Variants in PRP4K observed in about 807,000 individuals in gnomAD.
The protein encoded by PRP4K is serine/threonine-protein kinase PRP4 homolog.
chr6:4,057,051 A>G, the PRP4K span: 1 of 1,579,928 alleles, frequency 6.3e-7, no homozygotes, highest in Non-Finnish European at 8.6e-7. Flanking sequence ...GGTAAAAGCT[A>G]TGACTATGGT....
chr6:4,037,265 T>G, the PRP4K span: 1 of 855,916 alleles, frequency 1.2e-6, no homozygotes, highest in Non-Finnish European at 1.7e-6. Context: ...GTAAGTTTTG[T>G]TACAAAACAC....
chr6:4,049,895 G>T, the PRP4K span: 2 of 1,613,362 alleles, frequency 1.2e-6, no homozygotes, highest in Non-Finnish European at 1.7e-6. Flanking sequence ...TTCAGAAGAC[G>T]TGAGGAAACC....
At chr6:4,044,171 T>C in the PRP4K span, 1 of 681,364 alleles carries the variant, frequency 1.5e-6, no homozygotes, top group Non-Finnish European at 2.5e-6. Context: ...TAATATTAAA[T>C]ATGTCCTTAG....
chr6:4,058,840 A>G, the PRP4K span: 6 of 1,537,474 alleles, frequency 3.9e-6, no homozygotes, highest in Middle Eastern at 1.7e-4. Flanking sequence ...GCAGCATGCA[A>G]TAGTTATTTT....
chr6:4,042,700 T>G, the PRP4K span: 2 of 612,426 alleles, frequency 3.3e-6, no homozygotes, highest in Admixed American at 7.9e-5. Flanking sequence ...CTTTGTGAAG[T>G]TTGAAAAAAT....
At chr6:4,025,200 C>T in the PRP4K span, among the ~76,000 whole-genome samples, 22 of 151,986 alleles carry the variant, frequency 1.4e-4, no homozygotes, top group African/African-American at 4.8e-4. Context: ...AATGTTAAAG[C>T]GTAAATTTAT....
At chr6:4,023,141 T>C in the PRP4K span, among the ~76,000 whole-genome samples, 8 of 152,216 alleles carry the variant, frequency 5.3e-5, no homozygotes, top group Non-Finnish European at 8.8e-5. Context: ...AAGATAACCA[T>C]TTGGTATGAA....
At chr6:4,043,379 A>G in the PRP4K span, among the ~76,000 whole-genome samples, 1 of 152,006 alleles carries the variant, frequency 6.6e-6, no homozygotes, top group Non-Finnish European at 1.5e-5. Context: ...CTTACCTCCA[A>G]CCCTTGGGGC....
At chr6:4,036,052 A>T in the PRP4K span, among the ~76,000 whole-genome samples, 1 of 152,218 alleles carries the variant, frequency 6.6e-6, no homozygotes, top group Non-Finnish European at 1.5e-5. Flanking sequence ...GACTGTTCAG[A>T]TTGAATAGTT....
chr6:4,051,995 A>G, the PRP4K span: 1 of 1,595,666 alleles, frequency 6.3e-7, no homozygotes, highest in Non-Finnish European at 8.5e-7. Context: ...TTCTTGAAAA[A>G]ACTTAATGAT....
At chr6:4,060,257 T>C in the PRP4K span, among the ~76,000 whole-genome samples, 1 of 152,214 alleles carries the variant, frequency 6.6e-6, no homozygotes, top group East Asian at 1.9e-4. The surrounding 1 kb of genome is among the most constrained non-coding windows in gnomAD (Gnocchi z 4.7). Context: ...CTGTCATATA[T>C]GCAGTCTGTC....
the PRP4K span, among the ~76,000 whole-genome samples, chr6:4,029,021 TTTTTTTTTTTTTA>T: frequency 9.1e-5 from 1 of 10,984 alleles, no homozygotes; most frequent in African/African-American, 5.1e-4. Context: ...TCTTTTTTTT[TTTTTTTTTTTTTA>T]ATGAGATGGA....
At chr6:4,059,937 G>T in the PRP4K span, among the ~76,000 whole-genome samples, 1 of 152,144 alleles carries the variant, frequency 6.6e-6, no homozygotes, top group Admixed American at 6.5e-5. Context: ...GAGCCACCGC[G>T]CCCAGCCCAG....
chr6:4,025,088 A>G, the PRP4K span, among the ~76,000 whole-genome samples: 6 of 152,202 alleles, frequency 3.9e-5, no homozygotes, highest in African/African-American at 1.2e-4. Context: ...GTTATCCAAT[A>G]TTCAATAGGT....
At chr6:4,054,934 G>A in the PRP4K span, among the ~76,000 whole-genome samples, 1 of 152,310 alleles carries the variant, frequency 6.6e-6, no homozygotes, top group African/African-American at 2.4e-5. Context: ...TGTCACAGAA[G>A]AAACTCTTGT....
chr6:4,039,652 G>C, the PRP4K span, among the ~76,000 whole-genome samples: 1 of 152,092 alleles, frequency 6.6e-6, no homozygotes, highest in Admixed American at 6.5e-5. Flanking sequence ...GGCTTTCTGG[G>C]GGTGTTGTGA....
At chr6:4,033,612 T>C in the PRP4K span, among the ~76,000 whole-genome samples, 1 of 152,316 alleles carries the variant, frequency 6.6e-6, no homozygotes, top group African/African-American at 2.4e-5. Context: ...AGCTAGGTTT[T>C]GCTTATTAAA....
At chr6:4,031,607 A>C in the PRP4K span, 3 of 1,584,572 alleles carry the variant, frequency 1.9e-6, no homozygotes, top group Non-Finnish European at 2.6e-6. Flanking sequence ...AAAATGGAGA[A>C]GTATCAGAAG....
At chr6:4,043,857 T>C in the PRP4K span, 4 of 1,614,080 alleles carry the variant, frequency 2.5e-6, no homozygotes, top group African/African-American at 4.0e-5. Context: ...CTGTGCCATC[T>C]GAACCAAGCA....
Sources: allele counts gnomAD v4.1 joint callset (sites outside exome capture counted in the v4.1 genomes callset), GRCh38; gene constraint gnomAD v4.1.1; non-coding constraint Gnocchi (gnomAD v3.1); transcripts MANE v1.5; gene names NCBI Gene and HGNC (gene_info 2026-07-23, HGNC 2026-07-21).